Variants in NUMB observed in about 807,000 individuals in gnomAD.
The protein encoded by NUMB is NUMB endocytic adaptor protein.
Under a neutral mutation model 59.7 loss-of-function variants are expected in NUMB, and 29 were observed. That is an observed-to-expected ratio of 0.49 (90% CI 0.36 to 0.66). The LOEUF (loss-of-function observed/expected upper bound fraction) is 0.66, where lower values mean the gene tolerates loss of function less well. Ranked by LOEUF, NUMB falls within the 30% of genes least tolerant of loss-of-function variation. The pLI is 0.00. For synonymous variants in NUMB, 288 were observed against 288.2 expected (o/e 1.00, Z 0.01); for missense variants, 723 against 822.0 (o/e 0.88, Z 1.47).
At chr14:73,353,072 G>GTATTTTTTTTTT (rs1893522429) in intron 4 of NUMB, among the ~76,000 whole-genome samples, 1 of 58,514 alleles carries the variant, frequency 1.7e-5, no homozygotes, top group Admixed American at 2.7e-4. Context: ...AGTTTTTCTT[G>GTATTTTTTTTTT]TTTTTTTTTT....
In NUMB at chr14:73,386,867, A is replaced by ATTTTTTTTTTTTTTTTTTT. The variant is rs71112745; in HGVS notation, c.-100-19905_-100-19887dup. On this transcript the variant is annotated intron_variant, in intron 2 of 12. Coordinates refer to ENST00000555238, the MANE Select transcript of NUMB (RefSeq NM_001005743.2). ...TACAAGACAATCTATCAGGTGTCTT[A>ATTTTTTTTTTTTTTTTTTT]TTTTTTTTTTTTTTTTTTTTTTTTT... 3.8e-5 allele frequency among the ~76,000 whole-genome samples: 3 copies of ATTTTTTTTTTTTTTTTTTT among 79,836 alleles called. 1 individual carries two copies. The highest frequency in any genetic ancestry group is 5.4e-4 in the East Asian group (1 of 1,852). 52.4% of individuals were successfully genotyped at this position (79,836 alleles called of 152,430 possible). A position where few individuals can be genotyped will look rare whatever the true frequency, so the allele number is the denominator to read the frequency against.
At chr14:73,358,465 G>C (rs951693133) in intron 3 of NUMB, among the ~76,000 whole-genome samples, 27 of 152,216 alleles carry the variant, frequency 1.8e-4, no homozygotes, top group African/African-American at 6.0e-4. Flanking sequence ...TCCAAACAAA[G>C]CATGCCCTCT....
chr14:73,314,675 T>C (rs947168299), intron 6 of NUMB, among the ~76,000 whole-genome samples: 1 of 152,108 alleles, frequency 6.6e-6, no homozygotes, highest in African/African-American at 2.4e-5. Context: ...AAATCAATAT[T>C]TGCTATAACC....
chr14:73,357,110 T>A, intron 3 of NUMB: 1 of 634,288 alleles, frequency 1.6e-6, no homozygotes, highest in Non-Finnish European at 2.0e-6. Context: ...ACTCTGTAAC[T>A]AAAAAGTGTT....
At chr14:73,372,367 A>ATATATATATAACCTTT (rs1894748658) in intron 2 of NUMB, among the ~76,000 whole-genome samples, 1 of 82,600 alleles carries the variant, frequency 1.2e-5, no homozygotes, top group African/African-American at 3.6e-5. Flanking sequence ...ATAACCTTTT[A>ATATATATATAACCTTT]TATATATATA....
chr14:73,335,362 T>C (rs1215124547), intron 4 of NUMB, among the ~76,000 whole-genome samples: 1 of 149,272 alleles, frequency 6.7e-6, no homozygotes, highest in Non-Finnish European at 1.5e-5. Flanking sequence ...ATTTCATTTA[T>C]GAACTATTAT....
intron 2 of NUMB, among the ~76,000 whole-genome samples, chr14:73,390,296 C>G (rs567788778): frequency 2.3e-4 from 35 of 152,126 alleles, no homozygotes; most frequent in Non-Finnish European, 4.4e-4. Context: ...GCCCCTCCTC[C>G]AAGAACATAT....
At chr14:73,355,787 AT>A (rs546760007) in intron 3 of NUMB, 21 bp from the exon 4 acceptor site, 11 of 1,566,584 alleles carry the variant, frequency 7.0e-6, no homozygotes, top group Non-Finnish European at 9.6e-6. Context: ...AGGAAAAAAA[AT>A]ATTTAAAAGA....
At chr14:73,363,541 A>T (rs1216566119) in intron 3 of NUMB, among the ~76,000 whole-genome samples, 1 of 152,210 alleles carries the variant, frequency 6.6e-6, no homozygotes, top group Non-Finnish European at 1.5e-5. Context: ...CAGGGGGAAA[A>T]AAATAGTTTC....
chr14:73,441,314 C>G (rs1883047710), intron 1 of NUMB, among the ~76,000 whole-genome samples: 1 of 152,080 alleles, frequency 6.6e-6, no homozygotes, highest in African/African-American at 2.4e-5. Flanking sequence ...CTTTGGGAGG[C>G]CAAGGCAGGC....
Position 73,282,589 on chromosome 14 carries a change from T to C in NUMB, c.950-84A>G, listed in dbSNP as rs1888704515. On this transcript the variant is annotated intron_variant, in intron 10 of 12. Transcript: ENST00000555238. ...CAGTATGATGCAAGCTGGCACTTTA[T>C]ACTGTATCTCCTGCTTATGTAAGAA... The C allele has an allele frequency of 8.5e-6, 12 of 1,407,194 alleles. No homozygotes were observed. In the South Asian group the frequency reaches 1.5e-4, roughly 17 times the overall value. The allele number at this position is 1,407,194 out of a possible 1,614,324, so 87.2% of individuals were successfully genotyped here. A position where few individuals can be genotyped will look rare whatever the true frequency, so the allele number is the denominator to read the frequency against.
intron 4 of NUMB, among the ~76,000 whole-genome samples, chr14:73,328,380 G>A (rs1452123954): frequency 1.3e-5 from 2 of 152,056 alleles, no homozygotes; most frequent in Non-Finnish European, 2.9e-5. Flanking sequence ...CCAATCACCA[G>A]TTGAAGTATA....
intron 6 of NUMB, 170 bp from the exon 7 acceptor site, chr14:73,297,455 C>T (rs941739291): frequency 3.0e-5 from 15 of 494,400 alleles, no homozygotes; most frequent in Admixed American, 1.0e-4. Context: ...ACTGCAGAAA[C>T]ATTCAGGAAA....
intron 1 of NUMB, among the ~76,000 whole-genome samples, chr14:73,438,538 C>T (rs932825962): frequency 6.8e-6 from 1 of 147,550 alleles, no homozygotes; most frequent in African/African-American, 2.5e-5. Flanking sequence ...GGCCAAGGCA[C>T]GGGAATCGCT....
At chr14:73,277,616 G>A (rs1566721762) in intron 12 of NUMB, among the ~76,000 whole-genome samples, 1 of 152,112 alleles carries the variant, frequency 6.6e-6, no homozygotes, top group Non-Finnish European at 1.5e-5. Flanking sequence ...ACAGAAACTA[G>A]CTGGTTGTGG....
intron 1 of NUMB, among the ~76,000 whole-genome samples, chr14:73,442,461 A>C (rs1047679341): frequency 1.3e-5 from 2 of 152,214 alleles, no homozygotes; most frequent in Admixed American, 6.5e-5. Flanking sequence ...TTTTATGTGA[A>C]TGTTCATATT....
intron 3 of NUMB, among the ~76,000 whole-genome samples, chr14:73,361,510 T>C (rs1223431713): frequency 6.6e-6 from 1 of 152,056 alleles, no homozygotes; most frequent in African/African-American, 2.4e-5. Flanking sequence ...GAAGGTTACA[T>C]AGGTAAACAC....
chr14:73,324,042 T>C (rs1891538661), intron 4 of NUMB, among the ~76,000 whole-genome samples: 1 of 152,190 alleles, frequency 6.6e-6, no homozygotes, highest in Non-Finnish European at 1.5e-5. Flanking sequence ...TGCCCAAAGA[T>C]AGATCCTTCA....
intron 4 of NUMB, among the ~76,000 whole-genome samples, chr14:73,333,614 T>A (rs1210878002): frequency 4.6e-5 from 7 of 152,170 alleles, no homozygotes; most frequent in Non-Finnish European, 4.4e-5. Flanking sequence ...AGGTTCTTTA[T>A]ATATTCTGGA....
Sources: gnomAD v4.1 joint callset for allele counts (sites outside exome capture counted in the v4.1 genomes callset) on GRCh38, gnomAD v4.1.1 for gene constraint, MANE v1.5 for transcripts, NCBI Gene and HGNC (gene_info 2026-07-23, HGNC 2026-07-21) for gene names.